WSCD2: variants seen among roughly 807,000 people sequenced by gnomAD.
WSCD2 encodes the protein sialate:O-sulfotransferase 2.
A neutral mutation model predicts 55.7 loss-of-function variants in WSCD2; 28 were observed. The ratio of observed to expected loss-of-function variants is 0.50; its 90% CI spans 0.37 to 0.69. WSCD2 has a LOEUF of 0.69. Among genes scored for constraint, WSCD2 ranks in the 30% least tolerant of loss-of-function variants. WSCD2 has a pLI of 0.00. For missense variants in WSCD2, 616 were observed against 762.1 expected (o/e 0.81, Z 2.26); for synonymous variants, 301 against 301.9 (o/e 1.00, Z 0.03).
At chr12:108,143,420 G>C (rs1227977752) in intron 1 of WSCD2, among the ~76,000 whole-genome samples, 2 of 152,104 alleles carry the variant, frequency 1.3e-5, no homozygotes, top group Non-Finnish European at 2.9e-5. Flanking sequence ...ACCAATAGCT[G>C]GGGAGGGGGT....
chr12:108,192,689 C>A (rs989893049), intron 1 of WSCD2, among the ~76,000 whole-genome samples: 1 of 152,184 alleles, frequency 6.6e-6, no homozygotes, highest in African/African-American at 2.4e-5. Flanking sequence ...CAGTGATGCA[C>A]CCTCATGTGG....
intron 1 of WSCD2, among the ~76,000 whole-genome samples, chr12:108,194,929 G>A (rs1883708758): frequency 6.6e-6 from 1 of 152,186 alleles, no homozygotes; most frequent in South Asian, 2.1e-4. Context: ...GTACTTTTCA[G>A]ACTTAAGGTA....
intron 6 of WSCD2, among the ~76,000 whole-genome samples, chr12:108,231,008 T>C (rs1449894249): frequency 1.3e-5 from 2 of 152,154 alleles, no homozygotes; most frequent in Admixed American, 6.5e-5. Flanking sequence ...TATTTGTTCC[T>C]GTTTGAGTGC....
chr12:108,202,552 G>A (rs1884831584), intron 2 of WSCD2, among the ~76,000 whole-genome samples: 2 of 152,180 alleles, frequency 1.3e-5, no homozygotes, highest in Non-Finnish European at 2.9e-5. Context: ...GTTTCTTGCA[G>A]GAACATGGAT....
intron 2 of WSCD2, among the ~76,000 whole-genome samples, chr12:108,201,313 A>T (rs902429574): frequency 7.9e-5 from 12 of 151,908 alleles, no homozygotes; most frequent in Non-Finnish European, 1.8e-4. Context: ...CTCTGCTTCC[A>T]TTTTCACATG....
Position 108,195,077 on chromosome 12 carries a change from C to T in WSCD2, c.-551-205C>T, listed in dbSNP as rs536140737. Among the ~76,000 whole-genome samples the T allele has an allele frequency of 1.1e-3, 163 of 152,306 alleles. 1 individual carries two copies. Among genetic ancestry groups the T allele is most frequent in the Middle Eastern group, 6.8e-3 (2 of 294 alleles). ...CCACTAGGATCCAGGTCCCTAAATT[C>T]CCAGTTTGGTGTCAAGAAAAAGGCA... On this transcript the variant is annotated intron_variant, in intron 1 of 8. Coordinates refer to ENST00000547525, the MANE Select transcript of WSCD2 (RefSeq NM_014653.4).
At chr12:108,215,564 G>A (rs936500968) in intron 4 of WSCD2, among the ~76,000 whole-genome samples, 1 of 152,136 alleles carries the variant, frequency 6.6e-6, no homozygotes, top group Non-Finnish European at 1.5e-5. Context: ...TCTAAAAATA[G>A]CTGGCTTGAA....
intron 4 of WSCD2, among the ~76,000 whole-genome samples, chr12:108,212,611 T>TCACACACACAGACACA (rs1290412170): frequency 2.7e-5 from 3 of 110,638 alleles, no homozygotes; most frequent in African/African-American, 1.1e-4. Flanking sequence ...TCTCTCTCTC[T>TCACACACACAGACACA]CTCACACACA....
At chr12:108,168,450 G>A (rs1355076385) in intron 1 of WSCD2, among the ~76,000 whole-genome samples, 1 of 152,146 alleles carries the variant, frequency 6.6e-6, no homozygotes, top group African/African-American at 2.4e-5. Context: ...TCCCAAGACT[G>A]ACTGCCCATC....
chr12:108,162,927 C>G (rs887008916), intron 1 of WSCD2, among the ~76,000 whole-genome samples: 1 of 152,178 alleles, frequency 6.6e-6, no homozygotes, highest in East Asian at 1.9e-4. Context: ...TTGTGCCAGC[C>G]TCTGTGTTAA....
At chr12:108,157,149 A>G (rs77673231) in intron 1 of WSCD2, among the ~76,000 whole-genome samples, 5,687 of 152,248 alleles carry the variant, frequency 0.037, 361 homozygotes, top group African/African-American at 0.13. Flanking sequence ...GTTTGCTTTT[A>G]GTTTGTCTTA....
chr12:108,236,148 T>C (rs1889245874), intron 7 of WSCD2, among the ~76,000 whole-genome samples: 1 of 152,234 alleles, frequency 6.6e-6, no homozygotes, highest in Non-Finnish European at 1.5e-5. Context: ...TGCTGATTTA[T>C]CTAAGTCTTT....
chr12:108,179,412 C>G (rs1257609775), intron 1 of WSCD2, among the ~76,000 whole-genome samples: 1 of 152,180 alleles, frequency 6.6e-6, no homozygotes, highest in Non-Finnish European at 1.5e-5. Flanking sequence ...ACCAAAAGGC[C>G]AAACCAGATT....
At chr12:108,215,198 T>C (rs1310639565) in intron 4 of WSCD2, among the ~76,000 whole-genome samples, 8 of 152,174 alleles carry the variant, frequency 5.3e-5, no homozygotes, top group African/African-American at 1.9e-4. Flanking sequence ...AGAGAATTGG[T>C]TTGCTCTTCT....
chr12:108,163,426 C>A (rs142404336), intron 1 of WSCD2, among the ~76,000 whole-genome samples: 2 of 152,138 alleles, frequency 1.3e-5, no homozygotes, highest in Non-Finnish European at 1.5e-5. Flanking sequence ...ATTCTTCTTT[C>A]TAAGTGTGGT....
In WSCD2 at chr12:108,206,337, G is replaced by T; in HGVS notation, c.431G>T (p.Arg144Leu). 6.2e-7 allele frequency: 1 copy of T among 1,614,156 alleles called. No homozygotes were observed. ...GATGACACCCAGAGTCGGGCCCTTCGAGGAGTGTCCTTTTTTGACTACAAA... is the reference window on the plus strand; with the variant it reads ...GATGACACCCAGAGTCGGGCCCTTCTAGGAGTGTCCTTTTTTGACTACAAA... The part of the protein sequence containing the change: ...YLDDTQSRAL[R>L]GVSFFDYKKM... Residue 144 changes from arginine to leucine, a missense_variant, in exon 3 of 9, where the codon CGA (arginine) becomes CTA (leucine). This residue lies in a region of WSCD2 where 374 missense variants were observed against 467.4 expected (regional missense o/e 0.80). Transcript: ENST00000547525.
At chr12:108,182,523 CTG>C (rs1217687712) in intron 1 of WSCD2, among the ~76,000 whole-genome samples, 2 of 152,192 alleles carry the variant, frequency 1.3e-5, no homozygotes, top group African/African-American at 4.8e-5. Context: ...GGAGAGAGGT[CTG>C]TGCATTTCTC....
At chr12:108,170,153 T>C (rs1485024684) in intron 1 of WSCD2, among the ~76,000 whole-genome samples, 1 of 134,200 alleles carries the variant, frequency 7.5e-6, no homozygotes, top group African/African-American at 2.5e-5. Flanking sequence ...TGAGCTTGTA[T>C]GTGTGTCTTC....
At chr12:108,139,594 A>G (rs1272520469) in intron 1 of WSCD2, among the ~76,000 whole-genome samples, 1 of 152,198 alleles carries the variant, frequency 6.6e-6, no homozygotes, top group Non-Finnish European at 1.5e-5. Flanking sequence ...CTAACTTTGG[A>G]CAAGTGTCTT....
Sources: allele counts gnomAD v4.1 joint callset (sites outside exome capture counted in the v4.1 genomes callset), GRCh38; gene constraint gnomAD v4.1.1; regional missense constraint gnomAD v4.1.1; transcripts MANE v1.5; gene names NCBI Gene and HGNC (gene_info 2026-07-23, HGNC 2026-07-21).